FAM3C: variants seen among roughly 807,000 people sequenced by gnomAD.
The protein encoded by FAM3C is protein FAM3C.
FAM3C carries 15 observed loss-of-function variants against 32.5 expected under a neutral mutation model. The ratio of observed to expected loss-of-function variants is 0.46; its 90% confidence interval spans 0.31 to 0.71. The LOEUF is 0.71. Ranked by LOEUF, FAM3C falls within the 30% of genes least tolerant of loss-of-function variation. The pLI, the probability that FAM3C is intolerant of heterozygous loss-of-function variation, is 0.05. For synonymous variants in FAM3C, 75 were observed against 86.1 expected (o/e 0.87, Z 0.72); for missense variants, 175 against 274.4 (o/e 0.64, Z 2.56).
upstream of FAM3C, chr7:121,396,391 G>C (rs1246993726): frequency 1.3e-5 from 2 of 152,158 alleles, no homozygotes; most frequent in East Asian, 3.9e-4. Flanking sequence ...CCGGGAAGCC[G>C]CGCCCGCCCC....
At chr7:121,375,704 T>C (rs1794227420) in intron 3 of FAM3C, among the ~76,000 whole-genome samples, 1 of 152,164 alleles carries the variant, frequency 6.6e-6, no homozygotes, top group South Asian at 2.1e-4. Context: ...ACAGTGACTA[T>C]ACCACACTGT....
chr7:121,382,325 T>A (rs1794373655), intron 2 of FAM3C, among the ~76,000 whole-genome samples: 1 of 152,176 alleles, frequency 6.6e-6, no homozygotes, highest in African/African-American at 2.4e-5. Flanking sequence ...TTCTTACACA[T>A]AAACTCACCT....
rs902489344 is a variant in FAM3C at position 121,396,144 on chromosome 7, G to C, written c.-42+18C>G. On this transcript the variant is annotated intron_variant, in intron 1 of 9. Coordinates refer to ENST00000359943, the MANE Select transcript of FAM3C (RefSeq NM_014888.3). ...CCGAACCTGAGCCCCGGCTCCGTCC[G>C]CCTCCCAGCCGTCTCACCGGCCTCC... is the stretch of plus-strand genomic sequence containing the variant. 6.5e-6 allele frequency: 1 copy of C among 153,566 alleles called. No individual in the cohort carries two copies. Among genetic ancestry groups the C allele is most frequent in the Non-Finnish European group, 1.4e-5 (1 of 69,356 alleles). 9.5% of individuals were successfully genotyped at this position (153,566 alleles called of 1,614,324 possible). A position where few individuals can be genotyped will look rare whatever the true frequency, so the allele number is the denominator to read the frequency against.
At chr7:121,395,522 G>T (rs1794672125) in intron 1 of FAM3C, among the ~76,000 whole-genome samples, 1 of 151,202 alleles carries the variant, frequency 6.6e-6, no homozygotes, top group Admixed American at 6.6e-5. Flanking sequence ...AAAACAGCTG[G>T]AGCTCTCAAT....
intron 5 of FAM3C, among the ~76,000 whole-genome samples, chr7:121,369,814 G>A (rs942231245): frequency 6.6e-6 from 1 of 152,188 alleles, no homozygotes; most frequent in Admixed American, 6.5e-5. Context: ...ATACTCTAAG[G>A]CCCCAAGATC....
At chr7:121,381,580 C>A (rs1304501986) in intron 2 of FAM3C, among the ~76,000 whole-genome samples, 1 of 151,262 alleles carries the variant, frequency 6.6e-6, no homozygotes, top group Non-Finnish European at 1.5e-5. Context: ...AATTGCCATG[C>A]TTAAATAATG....
intron 3 of FAM3C, among the ~76,000 whole-genome samples, chr7:121,375,261 T>A (rs1402202288): frequency 6.6e-6 from 1 of 152,106 alleles, no homozygotes; most frequent in Admixed American, 6.5e-5. Flanking sequence ...TTATGCAAAG[T>A]TCTAAAAAAT....
chr7:121,356,597 A>T (rs917728448), intron 8 of FAM3C, among the ~76,000 whole-genome samples: 2 of 152,196 alleles, frequency 1.3e-5, no homozygotes, highest in Non-Finnish European at 2.9e-5. Flanking sequence ...GTACTGGCAC[A>T]TTAAGTAGGT....
intron 1 of FAM3C, among the ~76,000 whole-genome samples, chr7:121,384,968 A>T (rs1794438136): frequency 6.6e-6 from 1 of 152,188 alleles, no homozygotes; most frequent in Non-Finnish European, 1.5e-5. Flanking sequence ...ATGTAAAAGC[A>T]AAGAAAATAT....
At chr7:121,357,789 CA>C (rs1340726486) in intron 8 of FAM3C, among the ~76,000 whole-genome samples, 2 of 151,916 alleles carry the variant, frequency 1.3e-5, no homozygotes, top group African/African-American at 4.8e-5. Flanking sequence ...TAATGGGCAC[CA>C]AAAAATAGCA....
intron 1 of FAM3C, among the ~76,000 whole-genome samples, chr7:121,393,748 A>G (rs1218338981): frequency 6.6e-6 from 1 of 152,216 alleles, no homozygotes; most frequent in Non-Finnish European, 1.5e-5. Flanking sequence ...ACCTTTTAAA[A>G]GTTCAAAGAT....
At chr7:121,382,110 G>A (rs1470630585) in intron 2 of FAM3C, among the ~76,000 whole-genome samples, 1 of 152,108 alleles carries the variant, frequency 6.6e-6, no homozygotes, top group Non-Finnish European at 1.5e-5. Context: ...TCCATGTAAA[G>A]TATGCATTTC....
rs763685259 is a variant in FAM3C, at chr7:121,350,432, C to T, written c.*29G>A. 1.1e-5 allele frequency: 18 copies of T among 1,609,986 alleles called. No homozygotes were observed. Among genetic ancestry groups the T allele is most frequent in the Non-Finnish European group, 1.4e-5 (17 of 1,178,718 alleles). ...AGCTCTCCCATTAAGAGTGAAAGTG[C>T]GCTTTCTTCAATTCTCTCCACATTT... On this transcript the variant is annotated 3_prime_UTR_variant, in exon 10 of 10. Coordinates refer to ENST00000359943, the MANE Select transcript of FAM3C (RefSeq NM_014888.3).
At chr7:121,370,297 A>C (rs189615927) in intron 5 of FAM3C, among the ~76,000 whole-genome samples, 1 of 152,298 alleles carries the variant, frequency 6.6e-6, no homozygotes, top group Admixed American at 6.5e-5. Context: ...TTTTACAAGA[A>C]AAGTGTTGTC....
At chr7:121,387,195 C>A (rs1483145375) in intron 1 of FAM3C, among the ~76,000 whole-genome samples, 1 of 151,858 alleles carries the variant, frequency 6.6e-6, no homozygotes, top group Non-Finnish European at 1.5e-5. Context: ...CAAAATTATT[C>A]TTTTGATTTT....
intron 5 of FAM3C, among the ~76,000 whole-genome samples, chr7:121,366,565 G>T (rs990462876): frequency 6.6e-6 from 1 of 152,094 alleles, no homozygotes; most frequent in Non-Finnish European, 1.5e-5. Flanking sequence ...GGCATAGAAG[G>T]ATATTAGCTA....
rs148051736 is a variant in FAM3C at position 121,356,370 on chromosome 7, G to C, written c.467+3673C>G. Among the ~76,000 whole-genome samples the C allele has an allele frequency of 8.1e-4, 124 of 152,252 alleles. 2 individuals are homozygous for C. The highest frequency in any genetic ancestry group is 2.9e-3 in the African/African-American group (120 of 41,546). On this transcript the variant is annotated intron_variant, in intron 8 of 9. Coordinates refer to ENST00000359943, the MANE Select transcript of FAM3C (RefSeq NM_014888.3). ...ATGACAAAAAGTTAAAAGAGCCTGTGTATTAAGCCGGAAAAAGAGAAAACT... is the reference window on the plus strand; with the variant it reads ...ATGACAAAAAGTTAAAAGAGCCTGTCTATTAAGCCGGAAAAAGAGAAAACT...
chr7:121,388,868 C>T (rs2116966631), intron 1 of FAM3C, among the ~76,000 whole-genome samples: 1 of 152,206 alleles, frequency 6.6e-6, no homozygotes, highest in East Asian at 1.9e-4. Context: ...AGATATGAAG[C>T]AAATTGGGAT....
chr7:121,365,743 C>A, intron 5 of FAM3C, among the ~76,000 whole-genome samples: 1 of 151,858 alleles, frequency 6.6e-6, no homozygotes, highest in Non-Finnish European at 1.5e-5. Flanking sequence ...AAACAGGAAC[C>A]AACTACACAC....
Sources: allele counts gnomAD v4.1 joint callset (sites outside exome capture counted in the v4.1 genomes callset), GRCh38; gene constraint gnomAD v4.1.1; transcripts MANE v1.5; gene names NCBI Gene and HGNC (gene_info 2026-07-23, HGNC 2026-07-21).